RASGEF1C: variants seen among roughly 807,000 people sequenced by gnomAD.
RASGEF1C encodes the protein ras-GEF domain-containing family member 1C.
Under a neutral mutation model 58.1 loss-of-function variants are expected in RASGEF1C, and 27 were observed. The observed-to-expected ratio is 0.46, with a 90% CI of 0.34 to 0.64. The LOEUF (loss-of-function observed/expected upper bound fraction) is 0.64. Ranked by LOEUF, RASGEF1C falls within the 30% of genes least tolerant of loss-of-function variation. The probability of loss-of-function intolerance (pLI) is 0.01; values close to 1 mark genes in which losing one functional copy is unlikely to be tolerated. For missense variants in RASGEF1C, 502 were observed against 605.1 expected (o/e 0.83, Z 1.79); for synonymous variants, 243 against 246.3 (o/e 0.99, Z 0.13).
chr5:180,193,774 T>C (rs554297127), intron 1 of RASGEF1C, among the ~76,000 whole-genome samples: 31 of 152,308 alleles, frequency 2.0e-4, no homozygotes, highest in Middle Eastern at 3.4e-3. Flanking sequence ...AGACCGGCCA[T>C]TAGATGATAC....
chr5:180,131,132 C>T (rs1383296353), intron 4 of RASGEF1C, among the ~76,000 whole-genome samples: 2 of 152,296 alleles, frequency 1.3e-5, no homozygotes, highest in Admixed American at 6.5e-5. Context: ...GCATCCACGC[C>T]GGTTTCTCTC....
At chr5:180,108,486 C>A (rs1374900598) in intron 12 of RASGEF1C, among the ~76,000 whole-genome samples, 1 of 152,176 alleles carries the variant, frequency 6.6e-6, no homozygotes, top group African/African-American at 2.4e-5. Context: ...CAAGCACGAG[C>A]CACCGCGCCC....
intron 6 of RASGEF1C, among the ~76,000 whole-genome samples, chr5:180,125,379 C>T (rs1193910373): frequency 6.6e-6 from 1 of 152,218 alleles, no homozygotes; most frequent in Non-Finnish European, 1.5e-5. Flanking sequence ...AAACATCATA[C>T]TCTATTGGGA....
intron 1 of RASGEF1C, among the ~76,000 whole-genome samples, chr5:180,163,086 C>A (rs72821975): frequency 6.6e-6 from 1 of 152,014 alleles, no homozygotes; most frequent in Non-Finnish European, 1.5e-5. Context: ...TGTATCCTGG[C>A]GTCTGTAGAA....
In RASGEF1C at chr5:180,137,858, G is replaced by T. The variant is rs754807328; in HGVS notation, c.177+18C>A. The T allele has an allele frequency of 2.5e-6, 4 of 1,609,090 alleles. No homozygotes were observed. Among genetic ancestry groups the T allele is most frequent in the Middle Eastern group, 1.7e-4 (1 of 5,742 alleles). On this transcript the variant is annotated intron_variant, in intron 2 of 13. Coordinates refer to ENST00000361132, the MANE Select transcript of RASGEF1C (RefSeq NM_175062.4). This position sits in a 1 kb window ranked among gnomAD's most constrained non-coding sequence, Gnocchi z 4.1. ...TGGAGGAGAGCCCACTCTCCTGCCC[G>T]CTGGGTGGATCACCCACCTCGGGGT...
intron 1 of RASGEF1C, among the ~76,000 whole-genome samples, chr5:180,180,672 G>T (rs1767310627): frequency 6.6e-6 from 1 of 152,248 alleles, no homozygotes; most frequent in East Asian, 1.9e-4. Flanking sequence ...CACAAGCAGG[G>T]GCCCTGGTGC....
At chr5:180,182,092 C>T (rs1251604165) in intron 1 of RASGEF1C, among the ~76,000 whole-genome samples, 3 of 150,982 alleles carry the variant, frequency 2.0e-5, no homozygotes, top group East Asian at 1.9e-4. Flanking sequence ...GTAGTCCCAG[C>T]TACACGGGAG....
At chr5:180,152,885 T>A (rs183541884) in intron 1 of RASGEF1C, among the ~76,000 whole-genome samples, 1,943 of 123,274 alleles carry the variant, frequency 0.016, 28 homozygotes, top group Non-Finnish European at 0.016. Flanking sequence ...CACTCCAGCC[T>A]GGGCAACAAG....
At chr5:180,194,698 T>C (rs1174526590) in intron 1 of RASGEF1C, among the ~76,000 whole-genome samples, 1 of 152,206 alleles carries the variant, frequency 6.6e-6, no homozygotes, top group African/African-American at 2.4e-5. Context: ...GGCGCTACCG[T>C]CAGCCACTCC....
intron 7 of RASGEF1C, among the ~76,000 whole-genome samples, chr5:180,120,403 C>T (rs1244159432): frequency 6.6e-6 from 1 of 152,212 alleles, no homozygotes; most frequent in Admixed American, 6.5e-5. Flanking sequence ...TGAACATGTG[C>T]CCCATACTCA....
At position 180,143,939 on chromosome 5, in the gene RASGEF1C, A is replaced by T. The variant is rs940212476; in HGVS notation, c.-6-5881T>A. Reference sequence around the variant, plus strand: ...CTGGGCCAGGTGTGGCAGAAGGGACAGAGGTAAAGAAGGCTCCCGAAGGCC... The same window carrying T: ...CTGGGCCAGGTGTGGCAGAAGGGACTGAGGTAAAGAAGGCTCCCGAAGGCC... On this transcript the variant is annotated intron_variant, in intron 1 of 13. Coordinates refer to ENST00000361132, the MANE Select transcript of RASGEF1C (RefSeq NM_175062.4). This position sits in a 1 kb window ranked among gnomAD's most constrained non-coding sequence, Gnocchi z 4.3. 5.9e-5 allele frequency among the ~76,000 whole-genome samples: 9 copies of T among 152,168 alleles called. No homozygotes were observed. The highest frequency in any genetic ancestry group is 4.4e-5 in the Non-Finnish European group (3 of 68,028).
Position 180,118,612 on chromosome 5 carries a change from C to T in RASGEF1C, c.1080G>A (p.Glu360=), listed in dbSNP as rs779488171. The part of the protein sequence containing the change: ...HRSLTAHSSR[E]KIVIPFFSLL... ...GGCCAACGTGGCCCCGACCTACCTT[C>T]TCTCGGCTGCTGTGGGCCGTCAGGG... The change falls in exon 10 of 14, where the codon GAG becomes GAA. Residue 360 remains glutamate (E), a synonymous_variant. Coordinates refer to ENST00000361132, the MANE Select transcript of RASGEF1C (RefSeq NM_175062.4). 3.2e-5 allele frequency: 52 copies of T among 1,609,008 alleles called. 1 individual carries two copies. In the South Asian group the frequency reaches 5.5e-4, roughly 17 times the overall value.
intron 1 of RASGEF1C, among the ~76,000 whole-genome samples, chr5:180,179,481 G>A (rs1314831156): frequency 1.3e-5 from 2 of 152,114 alleles, no homozygotes; most frequent in African/African-American, 4.8e-5. Context: ...CCCAGGACAG[G>A]GGCGTGAAGG....
intron 1 of RASGEF1C, among the ~76,000 whole-genome samples, chr5:180,165,314 A>G (rs1335892011): frequency 6.6e-6 from 1 of 152,232 alleles, no homozygotes; most frequent in African/African-American, 2.4e-5. Flanking sequence ...TTTATTAAAT[A>G]AACTTTTTAG....
chr5:180,102,895 G>A (rs4700708), intron 12 of RASGEF1C, among the ~76,000 whole-genome samples: 42,705 of 152,028 alleles, frequency 0.28, 7,289 homozygotes, highest in East Asian at 0.55. Flanking sequence ...TTTGACTTCC[G>A]ATACAAATTT....
At chr5:180,152,482 A>C (rs1161418413) in intron 1 of RASGEF1C, among the ~76,000 whole-genome samples, 1 of 146,398 alleles carries the variant, frequency 6.8e-6, no homozygotes, top group African/African-American at 2.5e-5. Flanking sequence ...CAAACACTGC[A>C]TGTTCTCACT....
Position 180,121,058 on chromosome 5 carries a change from A to T in RASGEF1C, c.804+2T>A, listed in dbSNP as rs1299050412. Reference sequence around the variant, plus strand: ...TGGTGCCCACCCTGGCTGTCTACTCACCATGCAGATCTCAGTTGCCACCAG... The same window carrying T: ...TGGTGCCCACCCTGGCTGTCTACTCTCCATGCAGATCTCAGTTGCCACCAG... On this transcript the variant is annotated splice_donor_variant, in intron 7 of 13. Coordinates refer to ENST00000361132, the MANE Select transcript of RASGEF1C (RefSeq NM_175062.4). LOFTEE classifies it high-confidence loss of function. 6.2e-7 allele frequency: 1 copy of T among 1,611,704 alleles called. No individual in the cohort carries two copies. The highest frequency in any genetic ancestry group is 1.1e-5 in the South Asian group (1 of 91,018).
At chr5:180,118,747 G>T (rs764270377) in intron 9 of RASGEF1C, 40 bp downstream of exon 9, 19 of 1,613,862 alleles carry the variant, frequency 1.2e-5, no homozygotes, top group Non-Finnish European at 1.5e-5. Context: ...CTGTCCAGGG[G>T]ATGGCCGGAG....
At position 180,137,673 on chromosome 5, in the gene RASGEF1C, A is replaced by C; in HGVS notation, c.217T>G (p.Phe73Val). The C allele has an allele frequency of 1.2e-6, 2 of 1,612,910 alleles. No individual in the cohort carries two copies. Among genetic ancestry groups the C allele is most frequent in the Non-Finnish European group, 1.7e-6 (2 of 1,180,004 alleles). The change falls in exon 3 of 14, where the codon TTC (phenylalanine) becomes GTC (valine). Residue 73 changes from phenylalanine (F) to valine (V), a missense_variant. Coordinates refer to ENST00000361132, the MANE Select transcript of RASGEF1C (RefSeq NM_175062.4). This position sits in a 1 kb window ranked among gnomAD's most constrained non-coding sequence, Gnocchi z 4.1. ...GCCAGGAGCTCCCGGGGCTCGATGAAGAGGCGAGAGCTCAGCAGGAAGGTG... is the reference window on the plus strand; with the variant it reads ...GCCAGGAGCTCCCGGGGCTCGATGACGAGGCGAGAGCTCAGCAGGAAGGTG... The part of the protein sequence containing the change: ...IFTFLLSSRL[F>V]IEPRELLARV...
Sources: allele counts gnomAD v4.1 joint callset (sites outside exome capture counted in the v4.1 genomes callset), GRCh38; gene constraint gnomAD v4.1.1; non-coding constraint Gnocchi (gnomAD v3.1); transcripts MANE v1.5; gene names NCBI Gene and HGNC (gene_info 2026-07-23, HGNC 2026-07-21).